The following PDE1C variants were observed in gnomAD, a reference collection of about 807,000 sequenced individuals.
PDE1C encodes phosphodiesterase 1C.
Under a neutral mutation model 93.1 loss-of-function variants are expected in PDE1C, and 62 were observed. That is an observed-to-expected ratio of 0.67 (90% CI 0.54 to 0.82). The LOEUF (loss-of-function observed/expected upper bound fraction) is 0.82, where lower values mean the gene tolerates loss of function less well. PDE1C is among the 40% of genes least tolerant of loss of function. PDE1C has a pLI of 0.00. For missense variants in PDE1C, 742 were observed against 884.6 expected (o/e 0.84, Z 2.04); for synonymous variants, 325 against 310.1 (o/e 1.05, Z -0.50).
At chr7:31,962,349 T>C (rs1282961952) in intron 2 of PDE1C, among the ~76,000 whole-genome samples, 2 of 152,222 alleles carry the variant, frequency 1.3e-5, no homozygotes, top group Non-Finnish European at 2.9e-5. Flanking sequence ...GTGAGTCCTT[T>C]AGTGCTACTT....
chr7:31,667,809 T>C, the PDE1C span, among the ~76,000 whole-genome samples: 1 of 151,756 alleles, frequency 6.6e-6, no homozygotes, highest in African/African-American at 2.4e-5. Flanking sequence ...AATAGAGGTT[T>C]GTTTAGCTGA....
intron 7 of PDE1C, among the ~76,000 whole-genome samples, chr7:31,852,855 G>GTT (rs70989613): frequency 0.01 from 1,528 of 151,400 alleles, 31 homozygotes; most frequent in African/African-American, 0.035. Context: ...TACATATGCA[G>GTT]TTTTTTTTCC....
chr7:31,680,198 G>C, the PDE1C span, among the ~76,000 whole-genome samples: 1 of 152,322 alleles, frequency 6.6e-6, no homozygotes, highest in East Asian at 1.9e-4. Flanking sequence ...CTCCCTTGCT[G>C]TTCGGCTGAG....
intron 3 of PDE1C, among the ~76,000 whole-genome samples, chr7:32,160,813 A>G (rs1801870467): frequency 6.6e-6 from 1 of 152,148 alleles, no homozygotes; most frequent in African/African-American, 2.4e-5. Flanking sequence ...CTGTTGAAAG[A>G]AAGAAACTAA....
intron 2 of PDE1C, among the ~76,000 whole-genome samples, chr7:32,185,398 C>A (rs1168568446): frequency 6.6e-6 from 1 of 152,042 alleles, no homozygotes; most frequent in Non-Finnish European, 1.5e-5. Context: ...TCCATTCTAG[C>A]CTTTAGTTTC....
the PDE1C span, among the ~76,000 whole-genome samples, chr7:31,663,510 C>T: frequency 4.6e-5 from 7 of 152,186 alleles, no homozygotes; most frequent in Middle Eastern, 3.4e-3. Flanking sequence ...GATTTTATGC[C>T]GGAAAATATC....
chr7:32,033,419 C>T (rs1053511964), intron 2 of PDE1C, among the ~76,000 whole-genome samples: 2 of 152,084 alleles, frequency 1.3e-5, no homozygotes, highest in African/African-American at 4.8e-5. Flanking sequence ...CAAAGGAGCG[C>T]AATTCCCTTT....
chr7:32,301,830 A>T (rs1407576147), upstream of PDE1C, among the ~76,000 whole-genome samples: 1 of 152,218 alleles, frequency 6.6e-6, no homozygotes, highest in Non-Finnish European at 1.5e-5. Flanking sequence ...TTGGAGCAGG[A>T]TTTGACAAAT....
chr7:32,226,645 G>T (rs1216788495), intron 1 of PDE1C, among the ~76,000 whole-genome samples: 1 of 152,142 alleles, frequency 6.6e-6, no homozygotes, highest in Non-Finnish European at 1.5e-5. Flanking sequence ...GGAGAGAGTG[G>T]TCAGTGCAAA....
At chr7:32,205,270 C>G (rs989696841) in intron 2 of PDE1C, among the ~76,000 whole-genome samples, 3 of 152,214 alleles carry the variant, frequency 2.0e-5, no homozygotes, top group African/African-American at 7.2e-5. Context: ...CACATGTTTT[C>G]AAGTATTTTA....
chr7:31,949,379 G>C (rs1366383873), intron 2 of PDE1C, among the ~76,000 whole-genome samples: 1 of 152,144 alleles, frequency 6.6e-6, no homozygotes. Context: ...AGAATCACTT[G>C]AACCTGGGAG....
At chr7:31,660,965 A>G in the PDE1C span, among the ~76,000 whole-genome samples, 1 of 152,074 alleles carries the variant, frequency 6.6e-6, no homozygotes, top group African/African-American at 2.4e-5. Flanking sequence ...TTACAAATAA[A>G]ACACTTAGAA....
intron 1 of PDE1C, among the ~76,000 whole-genome samples, chr7:32,062,739 GA>G (rs1794961284): frequency 6.6e-6 from 1 of 152,152 alleles, no homozygotes. Flanking sequence ...TCCCCCGAGG[GA>G]GGGAGCCTTT....
chr7:32,038,914 T>C (rs943017110), intron 2 of PDE1C, among the ~76,000 whole-genome samples: 6 of 152,116 alleles, frequency 3.9e-5, no homozygotes, highest in African/African-American at 1.4e-4. Flanking sequence ...ATCTGTCAGA[T>C]CTCAAAATCA....
chr7:31,841,209 G>GTCTCTCTCTCTCTCTC lies in PDE1C; in HGVS notation c.981-3254_981-3239dup, dbSNP rs377551907. On this transcript the variant is annotated intron_variant, in intron 9 of 17. Coordinates refer to ENST00000396191, the MANE Select transcript of PDE1C (RefSeq NM_001191057.4). ...TGCTAGTGTCTCTCTCCCTCTCTCT[G>GTCTCTCTCTCTCTCTC]TCTCTCTCTCTCTCTCTCTATATAT... Among the ~76,000 whole-genome samples the GTCTCTCTCTCTCTCTC allele has an allele frequency of 3.3e-3, 468 of 140,168 alleles. 3 individuals carry two copies. Among genetic ancestry groups the GTCTCTCTCTCTCTCTC allele is most frequent in the Non-Finnish European group, 4.8e-3 (314 of 65,668 alleles). The allele number at this position is 140,168 out of a possible 152,430, so 92.0% of individuals were successfully genotyped here. A position where few individuals can be genotyped will look rare whatever the true frequency, so the allele number is the denominator to read the frequency against.
Position 31,823,087 on chromosome 7 carries a change from G to C in PDE1C, c.1568C>G (p.Ala523Gly). Residue 523 changes from alanine (A) to glycine (G), a missense_variant, in exon 14 of 18, where the codon GCC becomes GGC. Physicochemically the swap from Ala to Gly is moderately conservative, Grantham distance 60 (BLOSUM62 0). Around this residue, in one of 4 missense-constraint regions of PDE1C, gnomAD observed 454 missense variants for 459.4 expected, o/e 0.99. Transcript: ENST00000396191. ...TGGCATGTTACCTTTGGGTACCTTG[G>C]CCCTCCATCTCTCCCGATTGATGTG... ...VVHINRERWR[A>G]KVPKEEKAKK... 3 of 1,610,770 alleles carry C rather than the reference G, an allele frequency of 1.9e-6. No homozygotes were observed. Among genetic ancestry groups the C allele is most frequent in the Non-Finnish European group, 2.5e-6 (3 of 1,178,306 alleles).
At chr7:32,259,867 C>CTTCACA (rs1810075704) in intron 1 of PDE1C, among the ~76,000 whole-genome samples, 1 of 152,188 alleles carries the variant, frequency 6.6e-6, no homozygotes, top group Non-Finnish European at 1.5e-5. Context: ...TGCACATTCA[C>CTTCACA]TTCTCAAAAC....
intron 2 of PDE1C, among the ~76,000 whole-genome samples, chr7:32,005,505 G>C (rs1252130919): frequency 7.6e-6 from 1 of 131,892 alleles, no homozygotes; most frequent in Non-Finnish European, 1.5e-5. Context: ...GCAGTGAGCC[G>C]AGATCGCACC....
intron 3 of PDE1C, among the ~76,000 whole-genome samples, chr7:32,127,114 T>C (rs1438480868): frequency 6.6e-6 from 1 of 152,196 alleles, no homozygotes; most frequent in Non-Finnish European, 1.5e-5. Flanking sequence ...GGGACATTAA[T>C]TCTTTTCTAC....
Sources: allele counts gnomAD v4.1 joint callset (sites outside exome capture counted in the v4.1 genomes callset), GRCh38; gene constraint gnomAD v4.1.1; regional missense constraint gnomAD v4.1.1; transcripts MANE v1.5; gene names NCBI Gene and HGNC (gene_info 2026-07-23, HGNC 2026-07-21).